Variants in SPRTN observed in about 807,000 individuals in gnomAD.
The protein encoded by SPRTN is DNA-dependent metalloprotease SPRTN.
Under a neutral mutation model 31.9 loss-of-function variants are expected in SPRTN, and 11 were observed. The ratio of observed to expected loss-of-function variants is 0.34; its 90% CI spans 0.22 to 0.57. SPRTN has a LOEUF of 0.57. SPRTN is among the 20% of genes least tolerant of loss of function. The probability of loss-of-function intolerance (pLI) is 0.86; values close to 1 mark genes in which losing one functional copy is unlikely to be tolerated. For missense variants in SPRTN, 482 were observed against 590.1 expected, an observed-to-expected ratio of 0.82 and a Z score of 1.90; for synonymous variants, 185 against 212.1, an observed-to-expected ratio of 0.87 and a Z score of 1.11.
chr1:231,338,535 A>G lies in SPRTN; in HGVS notation c.152A>G (p.Gln51Arg), dbSNP rs934673717. 1 of 1,614,122 alleles carries G rather than the reference A, an allele frequency of 6.2e-7. No homozygotes were observed. Among genetic ancestry groups the G allele is most frequent in the African/African-American group, 1.3e-5 (1 of 74,940 alleles). The change falls in exon 1 of 5, where the codon CAG becomes CGG. Residue 51 changes from glutamine to arginine, a missense_variant. By Grantham distance (43) the Gln-to-Arg change is conservative (BLOSUM62 1). This residue lies in a region of SPRTN where 157 missense variants were observed against 239.9 expected (regional missense o/e 0.65). Transcript: ENST00000295050. The stretch of plus-strand genomic sequence containing the variant: ...CCGGACTTGCAGGCACTGTTTGTTC[A>G]GTTTAACGACCAATTCTTCTGGGGC... ...PTPDLQALFV[Q>R]FNDQFFWGQL...
chr1:231,354,683 T>G lies in SPRTN; in HGVS notation c.*1322T>G, dbSNP rs1167255155. 1 of 152,494 alleles carries G rather than the reference T, an allele frequency of 6.6e-6. No individual in the cohort carries two copies. Among genetic ancestry groups the G allele is most frequent in the African/African-American group, 2.4e-5 (1 of 41,478 alleles). 9.4% of individuals were successfully genotyped at this position (152,494 alleles called of 1,614,324 possible). A position where few individuals can be genotyped will look rare whatever the true frequency, so the allele number is the denominator to read the frequency against. On this transcript the variant is annotated 3_prime_UTR_variant, in exon 5 of 5. Coordinates refer to ENST00000295050, the MANE Select transcript of SPRTN (RefSeq NM_032018.7). ...GAGTTCATTTTCATTGCTCTTGCAT[T>G]TGTATGAATATACTAGAATTTATTC...
In SPRTN at chr1:231,353,136, T is replaced by G. The variant is rs1414787662; in HGVS notation, c.1245T>G (p.Thr415=). The G allele has an allele frequency of 6.2e-7, 1 of 1,612,224 alleles. No homozygotes were observed. Among genetic ancestry groups the G allele is most frequent in the East Asian group, 2.2e-5 (1 of 44,884 alleles). Residue 415 remains threonine (T), a synonymous_variant, in exon 5 of 5, where the codon ACT becomes ACG. Coordinates refer to ENST00000295050, the MANE Select transcript of SPRTN (RefSeq NM_032018.7). ...AACGACCTAGGCTAGAAGATAAGAC[T>G]GTTTTTGACAATTTTTTTATCAAGA... ...PNKRPRLEDK[T]VFDNFFIKKE... is the part of the protein sequence containing the mutation.
At chr1:231,343,016 C>T (rs1298756312) in intron 2 of SPRTN, among the ~76,000 whole-genome samples, 1 of 151,602 alleles carries the variant, frequency 6.6e-6, no homozygotes, top group African/African-American at 2.4e-5. Flanking sequence ...GGATTACAGG[C>T]GTGAGCCACC....
At chr1:231,345,150 T>C (rs1687015774) in intron 2 of SPRTN, among the ~76,000 whole-genome samples, 1 of 151,990 alleles carries the variant, frequency 6.6e-6, no homozygotes, top group South Asian at 2.1e-4. Flanking sequence ...TTTCTTTCTT[T>C]TTTTTTTGTT....
At chr1:231,347,163 C>G (rs182294391) in intron 2 of SPRTN, among the ~76,000 whole-genome samples, 4 of 152,166 alleles carry the variant, frequency 2.6e-5, no homozygotes, top group African/African-American at 9.6e-5. Context: ...TTGTGTTATT[C>G]TTACAGGTGG....
At position 231,353,262 on chromosome 1, in the gene SPRTN, A is replaced by C. The variant is rs1441535817; in HGVS notation, c.1371A>C (p.Pro457=). The change falls in exon 5 of 5, where the codon CCA becomes CCC. Residue 457 remains proline (P), a synonymous_variant. Transcript: ENST00000295050. ...SSSQSKMVNC[P]VCQNEVLESQ... ...GTCAGAGCAAAATGGTTAATTGCCC[A>C]GTTTGTCAGAATGAAGTTCTGGAGT... 1 of 1,614,094 alleles carries C rather than the reference A, an allele frequency of 6.2e-7. No individual in the cohort carries two copies. Among genetic ancestry groups the C allele is most frequent in the Admixed American group, 1.7e-5 (1 of 60,018 alleles).
chr1:231,344,495 AGACCCCATCTCT>A (rs1686992567), intron 2 of SPRTN: 2 of 174,214 alleles, frequency 1.1e-5, no homozygotes, highest in Non-Finnish European at 2.8e-5. Context: ...TGAAAAAGTG[AGACCCCATCTCT>A]GAGAAATAAT....
chr1:231,340,060 A>AAG, intron 2 of SPRTN, 192 bp downstream of exon 2: 1 of 495,850 alleles, frequency 2.0e-6, no homozygotes, highest in South Asian at 2.5e-5. Flanking sequence ...AAAAAAAAAA[A>AAG]ACAAAAAAAA....
Position 231,344,515 on chromosome 1 carries a change from AATAAG to A in SPRTN, c.322-3277_322-3273del, listed in dbSNP as rs142725699. The A allele has an allele frequency of 8.4e-3, 1,488 of 176,280 alleles. 32 individuals are homozygous for A. The highest frequency in any genetic ancestry group is 0.034 in the African/African-American group (1,438 of 41,710). The allele number at this position is 176,280 out of a possible 1,614,324, so 10.9% of individuals were successfully genotyped here. Reference sequence around the variant, plus strand: ...AAGTGAGACCCCATCTCTGAGAAATAATAAGATAAATAAATAAAGTTCCTTTTAAG... The same window carrying A: ...AAGTGAGACCCCATCTCTGAGAAATAATAAATAAATAAAGTTCCTTTTAAG... On this transcript the variant is annotated intron_variant, in intron 2 of 4. Coordinates refer to ENST00000295050, the MANE Select transcript of SPRTN (RefSeq NM_032018.7).
At chr1:231,349,128 G>A (rs1687147479) in intron 3 of SPRTN, among the ~76,000 whole-genome samples, 1 of 151,986 alleles carries the variant, frequency 6.6e-6, no homozygotes. Context: ...GTGCCACCAT[G>A]TCAAGCTAAT....
At chr1:231,339,333 C>CACCGA in intron 1 of SPRTN, 1 of 349,840 alleles carries the variant, frequency 2.9e-6, no homozygotes, top group East Asian at 6.7e-5. Flanking sequence ...TTGTTAATAA[C>CACCGA]ACCGAACTGT....
At chr1:231,349,285 G>A (rs548563138) in intron 3 of SPRTN, among the ~76,000 whole-genome samples, 12 of 152,140 alleles carry the variant, frequency 7.9e-5, no homozygotes, top group Middle Eastern at 3.4e-3. Flanking sequence ...GCCTCTCCAT[G>A]TATTACTATT....
chr1:231,353,393 A>C lies in SPRTN; in HGVS notation c.*32A>C. Reference sequence around the variant, plus strand: ...TTTCAAAGTCTCAAGTACCACCTGTATTATCTCACTAATGTGCTATGTCAG... The same window carrying C: ...TTTCAAAGTCTCAAGTACCACCTGTCTTATCTCACTAATGTGCTATGTCAG... On this transcript the variant is annotated 3_prime_UTR_variant, in exon 5 of 5. Coordinates refer to ENST00000295050, the MANE Select transcript of SPRTN (RefSeq NM_032018.7). 1.3e-6 allele frequency: 2 copies of C among 1,535,190 alleles called. No homozygotes were observed. Among genetic ancestry groups the C allele is most frequent in the African/African-American group, 1.4e-5 (1 of 72,456 alleles).
chr1:231,348,348 A>C (rs1025861116), intron 3 of SPRTN, among the ~76,000 whole-genome samples: 1 of 152,146 alleles, frequency 6.6e-6, no homozygotes, highest in African/African-American at 2.4e-5. Flanking sequence ...CAGGTTCAAA[A>C]AGCTGGAGGC....
intron 2 of SPRTN, chr1:231,340,148 G>A (rs1686834365): frequency 4.1e-6 from 1 of 246,534 alleles, no homozygotes; most frequent in African/African-American, 2.3e-5. Flanking sequence ...GGATCACGAG[G>A]TCAGAAGATC....
chr1:231,353,078 A>C lies in SPRTN; in HGVS notation c.1187A>C (p.Asp396Ala). 6.2e-7 allele frequency: 1 copy of C among 1,614,110 alleles called. No homozygotes were observed. The highest frequency in any genetic ancestry group is 8.5e-7 in the Non-Finnish European group (1 of 1,179,972). Residue 396 changes from aspartate to alanine, a missense_variant, in exon 5 of 5, where the codon GAT becomes GCT. Physicochemically the swap from Asp to Ala is moderately radical, Grantham distance 126 (BLOSUM62 -2). Coordinates refer to ENST00000295050, the MANE Select transcript of SPRTN (RefSeq NM_032018.7). Reference protein sequence around the residue: ...TESASVMPSQDVSGSEDTFPN... With the variant: ...TESASVMPSQAVSGSEDTFPN... ...TCAGCATCTGTGATGCCATCCCAGGATGTGAGTGGGTCTGAAGATACATTC... is the reference window on the plus strand; with the variant it reads ...TCAGCATCTGTGATGCCATCCCAGGCTGTGAGTGGGTCTGAAGATACATTC...
Position 231,354,930 on chromosome 1 carries a change from A to T in SPRTN, c.*1569A>T. 3.4e-6 allele frequency: 3 copies of T among 890,976 alleles called. No individual in the cohort carries two copies. Among genetic ancestry groups the T allele is most frequent in the Non-Finnish European group, 4.0e-6 (3 of 743,998 alleles). The allele number at this position is 890,976 out of a possible 1,614,324, so 55.2% of individuals were successfully genotyped here. On this transcript the variant is annotated 3_prime_UTR_variant, in exon 5 of 5. Transcript: ENST00000295050. ...GTTGTTCACCATTCATAACACTGTT[A>T]GCAGCCCTTTTCGTTTTAGACTGGT... is the stretch of plus-strand genomic sequence containing the variant.
intron 3 of SPRTN, 101 bp from the exon 4 acceptor site, chr1:231,351,203 A>AT (rs1313959163): frequency 4.8e-5 from 56 of 1,173,510 alleles, no homozygotes; most frequent in Middle Eastern, 6.7e-4. Flanking sequence ...AGTTTCAAAA[A>AT]TTAAAAAAAA....
intron 2 of SPRTN, among the ~76,000 whole-genome samples, chr1:231,342,256 G>GA (rs1686917090): frequency 6.6e-6 from 1 of 152,134 alleles, no homozygotes; most frequent in East Asian, 1.9e-4. Context: ...AAACACATGA[G>GA]AAAAAAATGT....
Sources: allele counts gnomAD v4.1 joint callset (sites outside exome capture counted in the v4.1 genomes callset), GRCh38; gene constraint gnomAD v4.1.1; regional missense constraint gnomAD v4.1.1; transcripts MANE v1.5; gene names NCBI Gene and HGNC (gene_info 2026-07-23, HGNC 2026-07-21).